CHRM3: variants seen among roughly 807,000 people sequenced by gnomAD.
The protein encoded by CHRM3 is muscarinic acetylcholine receptor M3.
In CHRM3, 11 loss-of-function variants were observed where a neutral mutation model predicts 41.8. The ratio of observed to expected loss-of-function variants is 0.26; its 90% CI spans 0.17 to 0.44. The LOEUF is 0.44. Ranked by LOEUF, CHRM3 falls within the 20% of genes least tolerant of loss-of-function variation. The pLI is 1.00. For synonymous variants in CHRM3, 297 were observed against 301.4 expected (o/e 0.99, Z 0.15); for missense variants, 571 against 745.4 (o/e 0.77, Z 2.72).
chr1:239,404,417 A>AAAGAAAGAAAGAAG (rs1558195826), intron 1 of CHRM3, among the ~76,000 whole-genome samples: 6 of 80,188 alleles, frequency 7.5e-5, no homozygotes, highest in African/African-American at 3.2e-4. Flanking sequence ...AGAAAAAGAA[A>AAAGAAAGAAAGAAG]GAAAGAAAGA....
At chr1:239,662,603 A>G (rs1673310583) in intron 4 of CHRM3, among the ~76,000 whole-genome samples, 1 of 152,172 alleles carries the variant, frequency 6.6e-6, no homozygotes, top group South Asian at 2.1e-4. Flanking sequence ...AACCTGGCCC[A>G]CCATTGTCCC....
At chr1:239,644,539 G>T (rs1202403999) in intron 4 of CHRM3, among the ~76,000 whole-genome samples, 1 of 152,220 alleles carries the variant, frequency 6.6e-6, no homozygotes, top group African/African-American at 2.4e-5. Flanking sequence ...TTAAATGGGG[G>T]TGGACTGTGA....
intron 1 of CHRM3, among the ~76,000 whole-genome samples, chr1:239,452,101 A>G (rs1049097373): frequency 1.3e-5 from 2 of 152,176 alleles, no homozygotes; most frequent in Non-Finnish European, 2.9e-5. Flanking sequence ...CTATTGTTAT[A>G]ATTCAAGTAC....
At chr1:239,693,550 C>T (rs187993268) in intron 5 of CHRM3, among the ~76,000 whole-genome samples, 19 of 152,186 alleles carry the variant, frequency 1.2e-4, no homozygotes, top group Admixed American at 5.9e-4. Context: ...GCAGCCCAAG[C>T]GGACTAATAT....
chr1:239,821,629 CT>C (rs1672060459), intron 5 of CHRM3, among the ~76,000 whole-genome samples: 1 of 152,148 alleles, frequency 6.6e-6, no homozygotes, highest in Non-Finnish European at 1.5e-5. Flanking sequence ...CACACAATCC[CT>C]TTTGGGATAG....
Position 239,880,392 on chromosome 1 carries a change from C to T in CHRM3, c.-19-27041C>T, listed in dbSNP as rs556135336. On this transcript the variant is annotated intron_variant, in intron 6 of 6. Transcript: ENST00000676153. Reference sequence around the variant, plus strand: ...CAAGTTCCTGAAAATACAACTTAAGCGGCCATTACCATGATAACCTATAAT... The same window carrying T: ...CAAGTTCCTGAAAATACAACTTAAGTGGCCATTACCATGATAACCTATAAT... 5.3e-5 allele frequency among the ~76,000 whole-genome samples: 8 copies of T among 152,258 alleles called. No individual in the cohort carries two copies. In the South Asian group the frequency reaches 1.5e-3, roughly 28 times the overall value.
chr1:239,907,582 G>T lies in CHRM3; in HGVS notation c.131G>T (p.Arg44Leu), dbSNP rs201425358. 3.1e-6 allele frequency: 5 copies of T among 1,613,978 alleles called. No individual in the cohort carries two copies. The African/African-American group carries it at 6.7e-5, about 22-fold the overall frequency. ...CATTTCGGCAGCTACAATGTTTCTC[G>T]AGCAGCTGGCAATTTCTCCTCTCCA... ...VTHFGSYNVS[R>L]AAGNFSSPDG... Residue 44 changes from arginine to leucine, a missense_variant, in exon 7 of 7, where the codon CGA (arginine) becomes CTA (leucine). Physicochemically the swap from Arg to Leu is moderately radical, Grantham distance 102 (BLOSUM62 -2). Transcript: ENST00000676153. This position sits in a 1 kb window ranked among gnomAD's most constrained non-coding sequence, Gnocchi z 5.4.
chr1:239,418,199 C>T (rs1002651181), intron 1 of CHRM3, among the ~76,000 whole-genome samples: 1 of 152,204 alleles, frequency 6.6e-6, no homozygotes, highest in African/African-American at 2.4e-5. Context: ...CCCAGCACTG[C>T]TAAAACTGAG....
chr1:239,672,278 C>T (rs1674449123), intron 4 of CHRM3, among the ~76,000 whole-genome samples: 1 of 152,090 alleles, frequency 6.6e-6, no homozygotes, highest in African/African-American at 2.4e-5. Context: ...CACTCTAGGG[C>T]TCTGTGAGCA....
intron 5 of CHRM3, among the ~76,000 whole-genome samples, chr1:239,737,131 G>A (rs186805439): frequency 8.5e-5 from 13 of 152,104 alleles, no homozygotes; most frequent in Admixed American, 6.6e-4. Flanking sequence ...TTACACTAAA[G>A]TATAAATAAT....
At chr1:239,903,006 T>C (rs1319358916) in intron 6 of CHRM3, among the ~76,000 whole-genome samples, 2 of 152,166 alleles carry the variant, frequency 1.3e-5, no homozygotes, top group African/African-American at 4.8e-5. Context: ...GTAAGAAGAA[T>C]GATGGCCAAT....
At chr1:239,670,472 C>T (rs1364087758) in intron 4 of CHRM3, among the ~76,000 whole-genome samples, 3 of 152,092 alleles carry the variant, frequency 2.0e-5, no homozygotes, top group African/African-American at 7.2e-5. Flanking sequence ...GACAGTATCA[C>T]ATTTTGCTTC....
chr1:239,518,113 A>T (rs558042546), intron 2 of CHRM3, among the ~76,000 whole-genome samples: 1 of 152,328 alleles, frequency 6.6e-6, no homozygotes, highest in South Asian at 2.1e-4. Context: ...CTGAAAAAAC[A>T]ACGACAACAA....
intron 3 of CHRM3, among the ~76,000 whole-genome samples, chr1:239,566,204 C>A (rs184590356): frequency 1.3e-5 from 2 of 152,146 alleles, no homozygotes; most frequent in Non-Finnish European, 2.9e-5. Flanking sequence ...TGAGCCATCA[C>A]GCCCGGCCTC....
intron 5 of CHRM3, among the ~76,000 whole-genome samples, chr1:239,820,313 AT>A (rs1172081459): frequency 6.6e-6 from 1 of 152,072 alleles, no homozygotes; most frequent in East Asian, 1.9e-4. Context: ...TTAGTAAATG[AT>A]TTTTAGGGGA....
chr1:239,602,198 G>A (rs1175597330), intron 3 of CHRM3, among the ~76,000 whole-genome samples: 4 of 150,240 alleles, frequency 2.7e-5, no homozygotes, highest in South Asian at 2.1e-4. Context: ...GCAGGGGCAC[G>A]ATCTTGGCTC....
intron 6 of CHRM3, among the ~76,000 whole-genome samples, chr1:239,906,889 A>G: frequency 6.6e-6 from 1 of 152,174 alleles, no homozygotes; most frequent in Admixed American, 6.5e-5. Flanking sequence ...CAAAGAGGCA[A>G]TATAGTGTGA....
In CHRM3 at chr1:239,788,705, G is replaced by T. The variant is rs561322552; in HGVS notation, c.-146-38547G>T. Among the ~76,000 whole-genome samples, 6 of 152,120 alleles carry T rather than the reference G, an allele frequency of 3.9e-5. No individual in the cohort carries two copies. In the East Asian group the frequency reaches 9.8e-4, roughly 25 times the overall value. On this transcript the variant is annotated intron_variant, in intron 5 of 6. Transcript: ENST00000676153. ...TGCTTGAACCTGGGAGGCAGAGGTT[G>T]CAGTGAGCTGAGATGGCACCACTGC...
chr1:239,406,587 T>A (rs1172983121), intron 1 of CHRM3, among the ~76,000 whole-genome samples: 1 of 152,178 alleles, frequency 6.6e-6, no homozygotes, highest in East Asian at 1.9e-4. Context: ...TAGCCCATCC[T>A]CATTCCAGCA....
Sources: gnomAD v4.1 joint callset for allele counts (sites outside exome capture counted in the v4.1 genomes callset) on GRCh38, gnomAD v4.1.1 for gene constraint, Gnocchi (gnomAD v3.1) non-coding constraint, MANE v1.5 for transcripts, NCBI Gene and HGNC (gene_info 2026-07-23, HGNC 2026-07-21) for gene names.